ASTN2: variants seen among roughly 807,000 people sequenced by gnomAD.
ASTN2 encodes astrotactin-2.
Under a neutral mutation model 139.8 loss-of-function variants are expected in ASTN2, and 54 were observed. The ratio of observed to expected loss-of-function variants is 0.39; its 90% CI spans 0.31 to 0.48. The LOEUF (loss-of-function observed/expected upper bound fraction) is 0.48, where lower values mean the gene tolerates loss of function less well. Among genes scored for constraint, ASTN2 ranks in the 20% least tolerant of loss-of-function variants. The pLI is 0.95. For missense variants in ASTN2, 1,565 were observed against 1,725.1 expected, an observed-to-expected ratio of 0.91 and a Z score of 1.64; for synonymous variants, 756 against 719.5, an observed-to-expected ratio of 1.05 and a Z score of -0.81.
At chr9:116,766,441 A>T (rs1588275295) in intron 13 of ASTN2, among the ~76,000 whole-genome samples, 1 of 151,580 alleles carries the variant, frequency 6.6e-6, no homozygotes, top group Admixed American at 6.6e-5. Flanking sequence ...CTCACACATA[A>T]ACACACACAT....
intron 19 of ASTN2, among the ~76,000 whole-genome samples, chr9:116,541,038 A>G (rs1284483407): frequency 6.6e-6 from 1 of 151,992 alleles, no homozygotes; most frequent in Non-Finnish European, 1.5e-5. Flanking sequence ...TATACATGAC[A>G]TTCTCCACTA....
chr9:116,837,810 A>C (rs974535668), intron 11 of ASTN2, among the ~76,000 whole-genome samples: 6 of 152,240 alleles, frequency 3.9e-5, no homozygotes, highest in Admixed American at 2.0e-4. Context: ...GCCCTGCCCC[A>C]CCTGGGTCCT....
rs143055901 is a variant in ASTN2 at position 116,767,721 on chromosome 9, C to T, written c.2397-34198G>A. On this transcript the variant is annotated intron_variant, in intron 13 of 22. Coordinates refer to ENST00000313400, the MANE Select transcript of ASTN2 (RefSeq NM_001365068.1). ...CTTGGTGTACTATGCTCAGAACCCTCGTGAGCAGGGGTCCCTGCAGCCAGA... is the reference window on the plus strand; with the variant it reads ...CTTGGTGTACTATGCTCAGAACCCTTGTGAGCAGGGGTCCCTGCAGCCAGA... 1.2e-4 allele frequency among the ~76,000 whole-genome samples: 19 copies of T among 152,278 alleles called. No individual in the cohort carries two copies. In the East Asian group the frequency reaches 1.4e-3, roughly 11 times the overall value.
intron 19 of ASTN2, among the ~76,000 whole-genome samples, chr9:116,541,006 G>GA (rs936585589): frequency 2.6e-4 from 37 of 142,702 alleles, no homozygotes; most frequent in Admixed American, 4.9e-4. Flanking sequence ...CACATCTAAT[G>GA]AAAAAAAAAA....
chr9:117,281,778 C>T (rs988515419), intron 2 of ASTN2, among the ~76,000 whole-genome samples: 1 of 152,098 alleles, frequency 6.6e-6, no homozygotes, highest in Non-Finnish European at 1.5e-5. Context: ...TCCCAGACTC[C>T]CTGTTGCAAT....
intron 1 of ASTN2, among the ~76,000 whole-genome samples, chr9:117,389,144 C>T (rs535991025): frequency 2.0e-5 from 3 of 152,300 alleles, no homozygotes; most frequent in Admixed American, 1.3e-4. Flanking sequence ...TCACTCTTCC[C>T]TTTGCTCACA....
At chr9:116,996,241 G>A (rs1234115680) in intron 7 of ASTN2, among the ~76,000 whole-genome samples, 1 of 151,980 alleles carries the variant, frequency 6.6e-6, no homozygotes, top group Non-Finnish European at 1.5e-5. Flanking sequence ...TATTAGTATA[G>A]TATGGTATAG....
At chr9:116,572,361 T>G (rs1245827381) in intron 19 of ASTN2, among the ~76,000 whole-genome samples, 2 of 152,190 alleles carry the variant, frequency 1.3e-5, no homozygotes, top group Non-Finnish European at 2.9e-5. Flanking sequence ...GTTGGCTGTA[T>G]GGGCCATGAA....
intron 10 of ASTN2, among the ~76,000 whole-genome samples, chr9:116,885,863 T>C (rs1157005606): frequency 1.3e-5 from 2 of 150,046 alleles, no homozygotes; most frequent in African/African-American, 2.5e-5. Context: ...AGCATGTCCA[T>C]CCATTCATTT....
At chr9:117,096,933 G>C (rs1828855139) in intron 4 of ASTN2, among the ~76,000 whole-genome samples, 1 of 152,192 alleles carries the variant, frequency 6.6e-6, no homozygotes, top group Non-Finnish European at 1.5e-5. Flanking sequence ...GTGGAGAAAT[G>C]ACTGGGAAGA....
rs752288310 is a variant in ASTN2 at position 117,141,396 on chromosome 9, C to G, written c.1098G>C (p.Glu366Asp). 7.3e-7 allele frequency: 1 copy of G among 1,367,574 alleles called. No homozygotes were observed. Among genetic ancestry groups the G allele is most frequent in the Non-Finnish European group, 9.8e-7 (1 of 1,021,848 alleles). 84.7% of individuals were successfully genotyped at this position (1,367,574 alleles called of 1,614,324 possible). ...GCAGGGGTGGTTGCAGCTGACCGAT[C>G]TCGATGGGCGTGTTAGCGCGGAAAC... ...KESFRANTPIEIGQLQPPLRS... is the reference protein window; with the variant it reads ...KESFRANTPIDIGQLQPPLRS... The change falls in exon 4 of 23, where the codon GAG becomes GAC. Residue 366 changes from glutamate (E) to aspartate (D), a missense_variant. By Grantham distance (45) the Glu-to-Asp change is conservative. This residue lies in a region of ASTN2 where 596 missense variants were observed against 576.8 expected (regional missense o/e 1.03). Transcript: ENST00000313400.
intron 19 of ASTN2, among the ~76,000 whole-genome samples, chr9:116,571,973 T>C (rs1011698357): frequency 6.6e-6 from 1 of 152,176 alleles, no homozygotes; most frequent in Non-Finnish European, 1.5e-5. Flanking sequence ...GCATTGTGTA[T>C]ACCTGTATGG....
At chr9:116,952,755 T>C (rs1431215088) in intron 10 of ASTN2, among the ~76,000 whole-genome samples, 1 of 152,222 alleles carries the variant, frequency 6.6e-6, no homozygotes, top group Non-Finnish European at 1.5e-5. Context: ...CTCAAGCCTC[T>C]TCCTCAGCTA....
intron 19 of ASTN2, among the ~76,000 whole-genome samples, chr9:116,563,122 TC>T (rs1205328019): frequency 6.6e-6 from 1 of 152,080 alleles, no homozygotes; most frequent in Non-Finnish European, 1.5e-5. Flanking sequence ...ACACCTGTAA[TC>T]CCAGCACTTT....
intron 10 of ASTN2, among the ~76,000 whole-genome samples, chr9:116,907,316 C>A (rs1052555213): frequency 1.3e-5 from 2 of 152,194 alleles, no homozygotes; most frequent in African/African-American, 4.8e-5. Context: ...AAGCCTGTGT[C>A]TCAGGCTTTC....
intron 6 of ASTN2, among the ~76,000 whole-genome samples, chr9:117,016,461 T>TGG (rs1470101849): frequency 6.7e-6 from 1 of 149,096 alleles, no homozygotes; most frequent in East Asian, 2.0e-4. Context: ...TAGAGCCCAG[T>TGG]GGGAGTAGGA....
chr9:116,453,356 G>A (rs548771603), intron 20 of ASTN2, among the ~76,000 whole-genome samples: 1 of 152,236 alleles, frequency 6.6e-6, no homozygotes, highest in South Asian at 2.1e-4. Flanking sequence ...CACTTTGGGA[G>A]GCAGAGGCGG....
intron 1 of ASTN2, among the ~76,000 whole-genome samples, chr9:117,374,355 C>A (rs1413827320): frequency 8.9e-6 from 1 of 112,648 alleles, no homozygotes. Context: ...TATGAGGCTG[C>A]ATAAGGGCAG....
chr9:117,322,498 T>G (rs1346586883), intron 1 of ASTN2, among the ~76,000 whole-genome samples: 1 of 152,184 alleles, frequency 6.6e-6, no homozygotes, highest in African/African-American at 2.4e-5. Flanking sequence ...CAGAGATAAC[T>G]CATCTAACAT....
Sources: allele counts gnomAD v4.1 joint callset (sites outside exome capture counted in the v4.1 genomes callset), GRCh38; gene constraint gnomAD v4.1.1; regional missense constraint gnomAD v4.1.1; transcripts MANE v1.5; gene names NCBI Gene and HGNC (gene_info 2026-07-23, HGNC 2026-07-21).